Variants in C10orf67 observed in about 807,000 individuals in gnomAD.
C10orf67 encodes the protein chromosome 10 open reading frame 67, also known as uncharacterized protein C10orf67, mitochondrial.
A neutral mutation model predicts 35.6 loss-of-function variants in C10orf67; 60 were observed. The observed-to-expected ratio is 1.68, with a 90% CI of 1.37 to 2.09. The LOEUF (loss-of-function observed/expected upper bound fraction) is 2.09. Among genes scored for constraint, C10orf67 ranks in the 30% most tolerant of loss-of-function variants. C10orf67 has a pLI of 0.00. For missense variants in C10orf67, 474 were observed against 330.2 expected (o/e 1.44, Z -3.38); for synonymous variants, 167 against 115.8 (o/e 1.44, Z -2.84).
At chr10:23,344,447 C>T in intron 1 of C10orf67, 122 bp downstream of exon 1, 2 of 985,784 alleles carry the variant, frequency 2.0e-6, no homozygotes, top group Non-Finnish European at 3.0e-6. Flanking sequence ...ACTCCCACAG[C>T]CTGGAGGCTG....
At chr10:23,330,573 T>C (rs1845407429) in intron 2 of C10orf67, among the ~76,000 whole-genome samples, 1 of 151,890 alleles carries the variant, frequency 6.6e-6, no homozygotes, top group African/African-American at 2.4e-5. Flanking sequence ...ACCCTGTCTC[T>C]ACTAAAAATA....
intron 7 of C10orf67, among the ~76,000 whole-genome samples, chr10:23,284,595 G>T (rs1486338349): frequency 2.0e-5 from 3 of 152,060 alleles, no homozygotes; most frequent in Non-Finnish European, 4.4e-5. Flanking sequence ...GGAGATTGAG[G>T]TGGGAGAATT....
rs141770987 is a variant in C10orf67 at position 23,276,649 on chromosome 10, C to CCA, written c.975+5362_975+5363dup. 3.0e-3 allele frequency among the ~76,000 whole-genome samples: 455 copies of CCA among 152,110 alleles called. 14 individuals are homozygous for CCA. In the East Asian group the frequency reaches 0.049, roughly 17 times the overall value. Reference sequence around the variant, plus strand: ...TTAATCAATAAACTTTATACCTGCACCACACATTCTAGAGGTATGTATGCC... The same window carrying CCA: ...TTAATCAATAAACTTTATACCTGCACCACACACATTCTAGAGGTATGTATGCC... On this transcript the variant is annotated intron_variant, in intron 8 of 15. Coordinates refer to ENST00000636213, the MANE Select transcript of C10orf67 (RefSeq NM_001371909.1).
At chr10:23,217,721 T>G (rs983670692) in intron 15 of C10orf67, among the ~76,000 whole-genome samples, 1 of 152,162 alleles carries the variant, frequency 6.6e-6, no homozygotes, top group Non-Finnish European at 1.5e-5. Context: ...AAGCACCAGG[T>G]GTAGGTGTGA....
At chr10:23,232,448 A>G (rs1841937645) in intron 13 of C10orf67, among the ~76,000 whole-genome samples, 1 of 152,230 alleles carries the variant, frequency 6.6e-6, no homozygotes, top group South Asian at 2.1e-4. Context: ...GTAGAGGTGA[A>G]ATGGAGAGAA....
chr10:23,269,835 G>A (rs1347590946), intron 8 of C10orf67, among the ~76,000 whole-genome samples: 2 of 152,026 alleles, frequency 1.3e-5, no homozygotes, highest in East Asian at 1.9e-4. Flanking sequence ...AGGGCATAAC[G>A]ATCACAAACG....
intron 13 of C10orf67, among the ~76,000 whole-genome samples, chr10:23,224,784 G>A (rs1008215100): frequency 6.6e-6 from 1 of 152,162 alleles, no homozygotes; most frequent in Admixed American, 6.5e-5. Context: ...ATCAGTGATT[G>A]AAGATCAAAT....
intron 1 of C10orf67, among the ~76,000 whole-genome samples, chr10:23,338,131 C>T (rs1029586362): frequency 2.0e-5 from 3 of 152,140 alleles, no homozygotes; most frequent in Admixed American, 6.5e-5. Context: ...GGTGTTTGTG[C>T]GGCATCTGAA....
At chr10:23,220,676 C>G (rs150750246) in intron 15 of C10orf67, among the ~76,000 whole-genome samples, 2,081 of 152,276 alleles carry the variant, frequency 0.014, 21 homozygotes, top group Non-Finnish European at 0.021. Flanking sequence ...AACAGTTTAC[C>G]AACCTCTCTG....
intron 5 of C10orf67, among the ~76,000 whole-genome samples, chr10:23,293,123 A>G (rs997087141): frequency 2.0e-5 from 3 of 152,258 alleles, no homozygotes; most frequent in African/African-American, 4.8e-5. Context: ...CCCGATTCTC[A>G]TAAACTAAAG....
At chr10:23,202,252 C>T (rs1841047950), downstream of C10orf67, 1 of 152,216 alleles carries the variant, frequency 6.6e-6, no homozygotes, top group Non-Finnish European at 1.5e-5. Context: ...GTTCTGCGGA[C>T]CTCTTTGTTC....
chr10:23,251,298 T>C lies in C10orf67; in HGVS notation c.1201-607A>G, dbSNP rs371305264. Among the ~76,000 whole-genome samples the C allele has an allele frequency of 5.3e-5, 8 of 152,134 alleles. No individual in the cohort carries two copies. In the East Asian group the frequency reaches 5.8e-4, roughly 11 times the overall value. ...CCCTTTTTGTAAATTGTAAATCGTG[T>C]TTTGTAAATTGTAAATTGTGTTTTC... On this transcript the variant is annotated intron_variant, in intron 10 of 15. Transcript: ENST00000636213.
At position 23,336,873 on chromosome 10, in the gene C10orf67, T is replaced by C. The variant is rs544082603; in HGVS notation, c.207-3691A>G. ...AAGCAATGAAGTCTCCTTGAAAAAA[T>C]GGTTCATTCCAAGATTGGAATAAAA... On this transcript the variant is annotated intron_variant, in intron 1 of 15. Transcript: ENST00000636213. Among the ~76,000 whole-genome samples the C allele has an allele frequency of 3.2e-3, 490 of 152,074 alleles. 3 individuals carry two copies. Among genetic ancestry groups the C allele is most frequent in the South Asian group, 5.8e-3 (28 of 4,826 alleles).
At chr10:23,222,871 G>A (rs1841623196) in intron 15 of C10orf67, among the ~76,000 whole-genome samples, 1 of 152,098 alleles carries the variant, frequency 6.6e-6, no homozygotes. Flanking sequence ...CAGCCAGGTT[G>A]CCCAGGCTGG....
chr10:23,256,853 C>T (rs1433629861), intron 10 of C10orf67, among the ~76,000 whole-genome samples: 1 of 152,066 alleles, frequency 6.6e-6, no homozygotes, highest in Non-Finnish European at 1.5e-5. Flanking sequence ...AGTCTTAAGC[C>T]TCTGGGAGAG....
intron 15 of C10orf67, among the ~76,000 whole-genome samples, chr10:23,204,606 G>A (rs1314803417): frequency 6.6e-6 from 1 of 152,194 alleles, no homozygotes; most frequent in African/African-American, 2.4e-5. Context: ...AAAAAAAGTG[G>A]GAAGAGTTGT....
chr10:23,275,430 C>A (rs1038741926), intron 8 of C10orf67, among the ~76,000 whole-genome samples: 1 of 152,178 alleles, frequency 6.6e-6, no homozygotes, highest in African/African-American at 2.4e-5. Flanking sequence ...AAGAGATTGT[C>A]CCCCTTGTGT....
At chr10:23,290,939 G>A (rs1228831862) in intron 6 of C10orf67, among the ~76,000 whole-genome samples, 193 bp downstream of exon 6, 1 of 152,182 alleles carries the variant, frequency 6.6e-6, no homozygotes, top group East Asian at 1.9e-4. Flanking sequence ...TGGCTCAGGG[G>A]TACAACTACA....
At chr10:23,300,075 A>T (rs1216374620) in intron 5 of C10orf67, among the ~76,000 whole-genome samples, 4 of 151,632 alleles carry the variant, frequency 2.6e-5, no homozygotes, top group Non-Finnish European at 4.4e-5. Context: ...GGGCTCTGTG[A>T]GGGTGATGGC....
Sources: gnomAD v4.1 joint callset for allele counts (sites outside exome capture counted in the v4.1 genomes callset) on GRCh38, gnomAD v4.1.1 for gene constraint, MANE v1.5 for transcripts, NCBI Gene and HGNC (gene_info 2026-07-23, HGNC 2026-07-21) for gene names.